SCAMP1: variants seen among roughly 807,000 people sequenced by gnomAD.
SCAMP1 encodes secretory carrier-associated membrane protein 1.
SCAMP1 carries 15 observed loss-of-function variants against 41.8 expected under a neutral mutation model. The observed-to-expected ratio is 0.36, with a 90% CI of 0.24 to 0.55. The LOEUF (loss-of-function observed/expected upper bound fraction) is 0.55. Among genes scored for constraint, SCAMP1 ranks in the 20% least tolerant of loss-of-function variants. The pLI, the probability that SCAMP1 is intolerant of heterozygous loss-of-function variation, is 0.86. For missense variants in SCAMP1, 341 were observed against 412.6 expected (o/e 0.83, Z 1.50); for synonymous variants, 135 against 136.8 (o/e 0.99, Z 0.09).
intron 2 of SCAMP1, among the ~76,000 whole-genome samples, chr5:78,406,647 C>T (rs1029641237): frequency 2.6e-5 from 4 of 152,142 alleles, no homozygotes; most frequent in Non-Finnish European, 5.9e-5. Flanking sequence ...TCTTAATTCT[C>T]TTGAGCCAAT....
At chr5:78,469,890 TAAAA>T (rs141989832) in intron 8 of SCAMP1, among the ~76,000 whole-genome samples, 17 of 15,024 alleles carry the variant, frequency 1.1e-3, no homozygotes, top group African/African-American at 1.5e-3. Context: ...TACAAGACAT[TAAAA>T]AAAAAAAAAA....
At chr5:78,413,450 C>T (rs1425235728) in intron 2 of SCAMP1, among the ~76,000 whole-genome samples, 3 of 147,518 alleles carry the variant, frequency 2.0e-5, no homozygotes, top group Admixed American at 6.7e-5. Flanking sequence ...TAGACTCTCA[C>T]TCTGTAGCCC....
At chr5:78,440,163 C>A (rs769242049) in intron 6 of SCAMP1, among the ~76,000 whole-genome samples, 1 of 152,126 alleles carries the variant, frequency 6.6e-6, no homozygotes, top group Non-Finnish European at 1.5e-5. Flanking sequence ...TCCTTTAGCT[C>A]GGAGAAGTTT....
At chr5:78,418,509 A>C (rs1034553873) in intron 4 of SCAMP1, among the ~76,000 whole-genome samples, 1 of 152,150 alleles carries the variant, frequency 6.6e-6, no homozygotes, top group Non-Finnish European at 1.5e-5. Flanking sequence ...TTTTCTGTAC[A>C]TAAATGGTTC....
At chr5:78,368,739 C>T (rs1750861250) in intron 1 of SCAMP1, among the ~76,000 whole-genome samples, 1 of 152,076 alleles carries the variant, frequency 6.6e-6, no homozygotes, top group Non-Finnish European at 1.5e-5. Flanking sequence ...GTTTCAATTA[C>T]TCAGTGGATT....
At chr5:78,405,185 A>G (rs892030107) in intron 2 of SCAMP1, among the ~76,000 whole-genome samples, 25 of 152,206 alleles carry the variant, frequency 1.6e-4, no homozygotes, top group African/African-American at 6.0e-4. Flanking sequence ...GTGGAGTGGT[A>G]AATTCTAAAC....
intron 2 of SCAMP1, among the ~76,000 whole-genome samples, chr5:78,406,443 T>C (rs1402082608): frequency 6.6e-6 from 1 of 152,142 alleles, no homozygotes; most frequent in Non-Finnish European, 1.5e-5. Context: ...GTTTAGAATA[T>C]GGAAGAAAAC....
intron 1 of SCAMP1, among the ~76,000 whole-genome samples, chr5:78,378,921 G>A (rs944385060): frequency 6.6e-6 from 1 of 152,166 alleles, no homozygotes; most frequent in South Asian, 2.1e-4. Context: ...AACAAGGTAC[G>A]TTCAGAGTGA....
intron 6 of SCAMP1, among the ~76,000 whole-genome samples, chr5:78,438,963 A>T (rs1479309804): frequency 1.3e-5 from 2 of 152,202 alleles, no homozygotes; most frequent in Non-Finnish European, 2.9e-5. Flanking sequence ...GTTTACCATT[A>T]TGTAACAGCC....
At chr5:78,380,098 A>T (rs939482073) in intron 1 of SCAMP1, among the ~76,000 whole-genome samples, 2 of 152,058 alleles carry the variant, frequency 1.3e-5, no homozygotes, top group Non-Finnish European at 2.9e-5. Flanking sequence ...TGCTTTTTTC[A>T]CTCAGCCCAT....
At chr5:78,407,640 TC>T (rs1431901569) in intron 2 of SCAMP1, among the ~76,000 whole-genome samples, 2 of 140,490 alleles carry the variant, frequency 1.4e-5, no homozygotes. Flanking sequence ...TTTTTTTTTT[TC>T]CCCTCTGGAC....
rs751004288 is a variant in SCAMP1, at chr5:78,436,768, C to T, written c.633-13165C>T. Among the ~76,000 whole-genome samples the T allele has an allele frequency of 1.8e-4, 27 of 152,154 alleles. No individual in the cohort carries two copies. The South Asian group carries it at 1.9e-3, about 11-fold the overall frequency. ...TTTTCCAATTCTGTGAAGAAAGTCA[C>T]TGGTAGCTTGATGGGGATGGCATTG... On this transcript the variant is annotated intron_variant, in intron 6 of 8. Transcript: ENST00000621999.
intron 7 of SCAMP1, among the ~76,000 whole-genome samples, chr5:78,451,194 A>C (rs1403105635): frequency 6.6e-6 from 1 of 152,222 alleles, no homozygotes; most frequent in Admixed American, 6.5e-5. Flanking sequence ...ATGAGGGTGC[A>C]TACAGAATTG....
Position 78,449,946 on chromosome 5 carries a change from T to C in SCAMP1, c.646T>C (p.Phe216Leu), listed in dbSNP as rs2112208293. 6.4e-7 allele frequency: 1 copy of C among 1,553,460 alleles called. No homozygotes were observed. Among genetic ancestry groups the C allele is most frequent in the East Asian group, 2.3e-5 (1 of 43,136 alleles). The change falls in exon 7 of 9, where the codon TTT becomes CTT. Residue 216 changes from phenylalanine to leucine, a missense_variant. Transcript: ENST00000621999. The stretch of plus-strand genomic sequence containing the variant: ...TTTTTTTCAAAGGAGTGACAGTTCA[T>C]TTAGATTCTTTGTATTCTTCTTCGT... ...LYGAFRSDSS[F>L]RFFVFFFVYI...
At position 78,476,182 on chromosome 5, in the gene SCAMP1, T is replaced by C. The variant is rs1050653130; in HGVS notation, c.*514T>C. 6.6e-6 allele frequency: 1 copy of C among 152,558 alleles called. No individual in the cohort carries two copies. Among genetic ancestry groups the C allele is most frequent in the Non-Finnish European group, 1.5e-5 (1 of 68,014 alleles). The allele number at this position is 152,558 out of a possible 1,614,324, so 9.5% of individuals were successfully genotyped here. The stretch of plus-strand genomic sequence containing the variant: ...TGAAGAGCCTATGTGCATTTTGTAG[T>C]AGATAATGTAAAATTTGTCATCTTT... On this transcript the variant is annotated 3_prime_UTR_variant, in exon 9 of 9. Coordinates refer to ENST00000621999, the MANE Select transcript of SCAMP1 (RefSeq NM_004866.6).
intron 7 of SCAMP1, among the ~76,000 whole-genome samples, chr5:78,451,244 T>G (rs956445599): frequency 2.6e-5 from 4 of 152,244 alleles, no homozygotes; most frequent in Non-Finnish European, 4.4e-5. Flanking sequence ...TCAGATTTTT[T>G]AGGTTAAACT....
At chr5:78,392,331 C>G (rs1164985657) in intron 2 of SCAMP1, among the ~76,000 whole-genome samples, 1 of 152,128 alleles carries the variant, frequency 6.6e-6, no homozygotes, top group East Asian at 1.9e-4. Flanking sequence ...GGTCAGCTAG[C>G]AAGTAAGTGG....
chr5:78,406,687 C>T (rs1270604718), intron 2 of SCAMP1, among the ~76,000 whole-genome samples: 2 of 152,046 alleles, frequency 1.3e-5, no homozygotes, highest in African/African-American at 4.8e-5. Context: ...ATCTGTTTGT[C>T]CTAGCCAAAC....
rs200104831 is a variant in SCAMP1, at chr5:78,450,039, G to GTT, written c.734+15_734+16dup. 7.1e-4 allele frequency: 889 copies of GTT among 1,245,182 alleles called. No individual in the cohort carries two copies. Among genetic ancestry groups the GTT allele is most frequent in the African/African-American group, 1.9e-3 (118 of 62,790 alleles). 77.1% of individuals were successfully genotyped at this position (1,245,182 alleles called of 1,614,324 possible). A position where few individuals can be genotyped will look rare whatever the true frequency, so the allele number is the denominator to read the frequency against. On this transcript the variant is annotated splice_donor_region_variant and intron_variant, in intron 7 of 8. Coordinates refer to ENST00000621999, the MANE Select transcript of SCAMP1 (RefSeq NM_004866.6). The stretch of plus-strand genomic sequence containing the variant: ...ATTTCATAACTGGGGCAATTGGTAA[G>GTT]TTTTTTTTTTTACTAGTTTTCAGCT...
Sources: allele counts gnomAD v4.1 joint callset (sites outside exome capture counted in the v4.1 genomes callset), GRCh38; gene constraint gnomAD v4.1.1; transcripts MANE v1.5; gene names NCBI Gene and HGNC (gene_info 2026-07-23, HGNC 2026-07-21).